Variants in OCM observed in about 807,000 individuals in gnomAD.
OCM encodes the protein oncomodulin, also known as oncomodulin-1.
OCM carries 18 observed loss-of-function variants against 14.1 expected under a neutral mutation model. The observed-to-expected ratio is 1.28, with a 90% CI of 0.88 to 1.89. The LOEUF is 1.89. Ranked by LOEUF, OCM falls within the 40% of genes most tolerant of loss-of-function variation. OCM has a pLI of 0.00. For missense variants in OCM, 140 were observed against 137.6 expected (o/e 1.02, Z -0.09); for synonymous variants, 48 against 51.0 (o/e 0.94, Z 0.25).
intron 1 of OCM, among the ~76,000 whole-genome samples, chr7:5,882,035 C>T (rs556884980): frequency 1.6e-5 from 2 of 125,390 alleles, no homozygotes; most frequent in Admixed American, 1.1e-4. Context: ...TGCAGTGAGC[C>T]GAGATCACGC....
chr7:5,874,173 G>C, the OCM span, among the ~76,000 whole-genome samples: 1 of 130,300 alleles, frequency 7.7e-6, no homozygotes, highest in Admixed American at 9.3e-5. Context: ...GCAGTGAGCC[G>C]AGATCGCACC....
chr7:5,873,669 C>T, the OCM span, among the ~76,000 whole-genome samples: 1 of 152,078 alleles, frequency 6.6e-6, no homozygotes, highest in Non-Finnish European at 1.5e-5. Context: ...TCAAAACCCA[C>T]CTGGCTAGGT....
chr7:5,869,968 C>T, the OCM span, among the ~76,000 whole-genome samples: 16 of 152,162 alleles, frequency 1.1e-4, 1 homozygote, highest in East Asian at 1.2e-3. Flanking sequence ...AGTATGTTTG[C>T]GCCATCCTCC....
At chr7:5,861,962 C>G in the OCM span, among the ~76,000 whole-genome samples, 2 of 152,024 alleles carry the variant, frequency 1.3e-5, no homozygotes, top group African/African-American at 2.4e-5. Flanking sequence ...TTCACAGGCA[C>G]GAACATTGCA....
At chr7:5,885,866 C>T (rs1191603944) in intron 3 of OCM, among the ~76,000 whole-genome samples, 198 bp from the exon 4 acceptor site, 1 of 152,168 alleles carries the variant, frequency 6.6e-6, no homozygotes, top group African/African-American at 2.4e-5. Context: ...GCCTCGGCCT[C>T]CCAAAGTGCT....
chr7:5,862,612 T>C, the OCM span, among the ~76,000 whole-genome samples: 1 of 152,240 alleles, frequency 6.6e-6, no homozygotes, highest in African/African-American at 2.4e-5. Context: ...GTTTACTTTA[T>C]GTTATGTAAA....
At chr7:5,882,968 A>C (rs965664553) in intron 2 of OCM, among the ~76,000 whole-genome samples, 2 of 151,196 alleles carry the variant, frequency 1.3e-5, no homozygotes, top group African/African-American at 2.4e-5. Flanking sequence ...TCAGTCTCCC[A>C]AGTGGCTGGG....
chr7:5,884,812 G>T (rs1781300393), intron 3 of OCM, among the ~76,000 whole-genome samples: 1 of 152,066 alleles, frequency 6.6e-6, no homozygotes, highest in Non-Finnish European at 1.5e-5. Context: ...GGTAAGGGGG[G>T]ATTGCCTTAT....
At chr7:5,873,472 G>A in the OCM span, among the ~76,000 whole-genome samples, 27 of 152,200 alleles carry the variant, frequency 1.8e-4, no homozygotes, top group African/African-American at 5.8e-4. Context: ...ATTGAGGCAG[G>A]AGGACTGCTC....
the OCM span, among the ~76,000 whole-genome samples, chr7:5,864,887 G>A: frequency 2.2e-4 from 33 of 151,808 alleles, no homozygotes; most frequent in Non-Finnish European, 3.2e-4. Flanking sequence ...GCAGTGAGCC[G>A]ACATCGCACC....
At chr7:5,885,979 C>G (rs1013352389) in intron 3 of OCM, 85 bp from the exon 4 acceptor site, 1 of 1,585,208 alleles carries the variant, frequency 6.3e-7, no homozygotes, top group African/African-American at 1.3e-5. Context: ...GCTTCCTTCC[C>G]TCTTTGGAAT....
the OCM span, among the ~76,000 whole-genome samples, chr7:5,864,305 C>A: frequency 5.3e-5 from 8 of 150,686 alleles, no homozygotes; most frequent in African/African-American, 2.0e-4. Context: ...TGTGATCGCA[C>A]CACTGCACTC....
At chr7:5,880,077 A>G (rs922267375), upstream of OCM, 2 of 152,142 alleles carry the variant, frequency 1.3e-5, no homozygotes, top group Non-Finnish European at 2.9e-5. Flanking sequence ...GAAGGATTTT[A>G]ATCTCTGGGA....
At chr7:5,868,523 T>A in the OCM span, among the ~76,000 whole-genome samples, 1 of 152,060 alleles carries the variant, frequency 6.6e-6, no homozygotes, top group Non-Finnish European at 1.5e-5. Flanking sequence ...CAGCCAAAGG[T>A]CTAAAGGGAT....
the OCM span, chr7:5,871,716 AG>A: frequency 1.3e-5 from 2 of 151,914 alleles, no homozygotes; most frequent in Admixed American, 1.3e-4. Context: ...TTTGAACAAG[AG>A]GACTTGGATT....
intron 3 of OCM, among the ~76,000 whole-genome samples, chr7:5,885,490 A>G (rs1044868852): frequency 6.6e-5 from 10 of 152,186 alleles, no homozygotes; most frequent in African/African-American, 2.4e-4. Context: ...GTTCTAATTC[A>G]AAGACCTCTA....
At chr7:5,876,190 G>A (rs1470847953), upstream of OCM, among the ~76,000 whole-genome samples, 1 of 152,078 alleles carries the variant, frequency 6.6e-6, no homozygotes, top group Non-Finnish European at 1.5e-5. Flanking sequence ...TTTTAGTAGA[G>A]ACGGAGTTTC....
In OCM at chr7:5,883,927, C is replaced by A; in HGVS notation, c.232C>A (p.Leu78Met). 1.9e-6 allele frequency: 3 copies of A among 1,613,184 alleles called. No homozygotes were observed. The highest frequency in any genetic ancestry group is 2.5e-6 in the Non-Finnish European group (3 of 1,179,572). ...GAAGTTTGAGAGTGGTGCCAGAGAA[C>A]TGACCGAGTCAGAAACCAAGTCCTT... Reference protein sequence around the residue: ...LQKFESGARELTESETKSLMA... With the variant: ...LQKFESGAREMTESETKSLMA... The change falls in exon 3 of 4, where the codon CTG (leucine) becomes ATG (methionine). Residue 78 changes from leucine (L) to methionine (M), a missense_variant. By Grantham distance (15) the Leu-to-Met change is conservative. Transcript: ENST00000242104.
chr7:5,876,561 T>TA (rs1314407490), upstream of OCM, among the ~76,000 whole-genome samples: 1 of 152,196 alleles, frequency 6.6e-6, no homozygotes, highest in Non-Finnish European at 1.5e-5. Flanking sequence ...GCTGAGCGCC[T>TA]AAATCTAGGT....
Sources: allele counts gnomAD v4.1 joint callset (sites outside exome capture counted in the v4.1 genomes callset), GRCh38; gene constraint gnomAD v4.1.1; transcripts MANE v1.5; gene names NCBI Gene and HGNC (gene_info 2026-07-23, HGNC 2026-07-21).